MYOM2: variants seen among roughly 807,000 people sequenced by gnomAD.
The protein encoded by MYOM2 is myomesin 2.
MYOM2 carries 254 observed loss-of-function variants against 187.6 expected under a neutral mutation model. That is an observed-to-expected ratio of 1.35 (90% CI 1.22 to 1.50). MYOM2 has a LOEUF of 1.50. MYOM2 is among the 40% of genes most tolerant of loss of function. The pLI, the probability that MYOM2 is intolerant of heterozygous loss-of-function variation, is 0.00. For missense variants in MYOM2, 2,796 were observed against 1,924.0 expected (o/e 1.45, Z -8.48); for synonymous variants, 981 against 753.8 (o/e 1.30, Z -4.94).
intron 6 of MYOM2, among the ~76,000 whole-genome samples, chr8:2,064,768 CCTT>C (rs1818961950): frequency 6.6e-6 from 1 of 151,444 alleles, no homozygotes; most frequent in Admixed American, 6.6e-5. Flanking sequence ...TCTCCCTCCT[CCTT>C]CTCCTCCATC....
At chr8:2,108,264 T>A (rs1796957677) in intron 23 of MYOM2, among the ~76,000 whole-genome samples, 1 of 151,330 alleles carries the variant, frequency 6.6e-6, no homozygotes, top group Non-Finnish European at 1.5e-5. Flanking sequence ...TATTTATTTA[T>A]TTTTTTTGTT....
chr8:2,048,891 G>C (rs1039171703), intron 1 of MYOM2, among the ~76,000 whole-genome samples: 5 of 151,602 alleles, frequency 3.3e-5, no homozygotes, highest in Non-Finnish European at 7.4e-5. Context: ...CCAGGTTCAC[G>C]CCATTCTCCT....
intron 11 of MYOM2, among the ~76,000 whole-genome samples, chr8:2,077,047 C>T (rs996704724): frequency 6.6e-6 from 1 of 152,150 alleles, no homozygotes; most frequent in African/African-American, 2.4e-5. Context: ...CACGGTGGCT[C>T]ACGCCTGTAA....
intron 36 of MYOM2, 143 bp downstream of exon 36, chr8:2,143,599 A>G (rs1255319506): frequency 1.1e-6 from 1 of 946,118 alleles, no homozygotes. Flanking sequence ...AGTCCCCCCC[A>G]CTTTTCTGCC....
chr8:2,093,967 C>G lies in MYOM2; in HGVS notation c.2004-3C>G, dbSNP rs1274259957. Reference sequence around the variant, plus strand: ...TTCTGACCCTGATCCCTGTGTTTCTCAGGTTCGTGGTGCACGGCTTAACCA... The same window carrying G: ...TTCTGACCCTGATCCCTGTGTTTCTGAGGTTCGTGGTGCACGGCTTAACCA... On this transcript the variant is annotated splice_region_variant and splice_polypyrimidine_tract_variant and intron_variant, in intron 16 of 36. Transcript: ENST00000262113. 1.2e-6 allele frequency: 2 copies of G among 1,613,796 alleles called. No homozygotes were observed. Among genetic ancestry groups the G allele is most frequent in the Non-Finnish European group, 8.5e-7 (1 of 1,179,906 alleles).
At chr8:2,128,261 A>T (rs2116877315) in intron 31 of MYOM2, among the ~76,000 whole-genome samples, 1 of 152,366 alleles carries the variant, frequency 6.6e-6, no homozygotes, top group South Asian at 2.1e-4. Flanking sequence ...ACTATGTAAA[A>T]ACTAAAAGTA....
At chr8:2,056,283 G>A (rs772631052) in intron 3 of MYOM2, among the ~76,000 whole-genome samples, 2 of 152,184 alleles carry the variant, frequency 1.3e-5, no homozygotes, top group African/African-American at 2.4e-5. Context: ...TGAAAGGGAT[G>A]GCAGTGAGAT....
chr8:2,069,674 CG>C (rs2129333554), intron 8 of MYOM2, among the ~76,000 whole-genome samples, 177 bp downstream of exon 8: 1 of 152,128 alleles, frequency 6.6e-6, no homozygotes, highest in Non-Finnish European at 1.5e-5. Context: ...CTCCGCCTCC[CG>C]GGTTCACACC....
chr8:2,145,086 G>T lies in MYOM2; in HGVS notation c.*105G>T. 1 of 1,228,422 alleles carries T rather than the reference G, an allele frequency of 8.1e-7. No homozygotes were observed. Among genetic ancestry groups the T allele is most frequent in the African/African-American group, 1.5e-5 (1 of 64,958 alleles). The allele number at this position is 1,228,422 out of a possible 1,614,324, so 76.1% of individuals were successfully genotyped here. ...TGGCATCCGAGTGGTGTCCTGTGTG[G>T]GCTGATAGTTGATCACACATTGTGC... On this transcript the variant is annotated 3_prime_UTR_variant, in exon 37 of 37. Coordinates refer to ENST00000262113, the MANE Select transcript of MYOM2 (RefSeq NM_003970.4).
chr8:2,090,237 T>G (rs756813970), intron 15 of MYOM2, 46 bp downstream of exon 15: 3 of 1,561,194 alleles, frequency 1.9e-6, no homozygotes, highest in Admixed American at 3.5e-5. Context: ...GGACTAAGAG[T>G]GGGGTGACAC....
chr8:2,054,779 G>A (rs1032358860), intron 3 of MYOM2, among the ~76,000 whole-genome samples: 1 of 152,190 alleles, frequency 6.6e-6, no homozygotes. Context: ...GCAATTTGGT[G>A]GGATTCACTC....
chr8:2,093,948 C>A, intron 16 of MYOM2, 22 bp from the exon 17 acceptor site: 1 of 1,613,162 alleles, frequency 6.2e-7, no homozygotes, highest in Non-Finnish European at 8.5e-7. Flanking sequence ...GCAGTTCTGA[C>A]CCTGATCCCT....
intron 21 of MYOM2, among the ~76,000 whole-genome samples, chr8:2,105,556 C>T (rs1563059046): frequency 6.6e-6 from 1 of 152,170 alleles, no homozygotes; most frequent in African/African-American, 2.4e-5. Context: ...TGGGCTTCCC[C>T]TGAGGGTCAG....
chr8:2,072,619 C>T (rs1708219832), intron 9 of MYOM2, 110 bp downstream of exon 9: 3 of 1,315,754 alleles, frequency 2.3e-6, no homozygotes, highest in Non-Finnish European at 3.1e-6. Flanking sequence ...TGGGTCAGCT[C>T]CAGACAGCGA....
chr8:2,128,646 G>C (rs1397577267), intron 31 of MYOM2, among the ~76,000 whole-genome samples: 1 of 152,106 alleles, frequency 6.6e-6, no homozygotes, highest in Non-Finnish European at 1.5e-5. Context: ...GGTTTCTTCT[G>C]CTTTCCTTCC....
intron 25 of MYOM2, among the ~76,000 whole-genome samples, chr8:2,113,623 C>G (rs1236550905): frequency 6.6e-6 from 1 of 152,186 alleles, no homozygotes; most frequent in Non-Finnish European, 1.5e-5. Flanking sequence ...CAGCCGATGA[C>G]TGATCTGGAG....
At chr8:2,139,265 C>G (rs1246132416) in intron 32 of MYOM2, among the ~76,000 whole-genome samples, 3 of 152,198 alleles carry the variant, frequency 2.0e-5, no homozygotes, top group African/African-American at 4.8e-5. Flanking sequence ...CTTCAGCCTC[C>G]TGAGTAGCTG....
At chr8:2,085,064 A>G (rs1340023336) in intron 13 of MYOM2, 199 bp from the exon 14 acceptor site, 1 of 611,066 alleles carries the variant, frequency 1.6e-6, no homozygotes. Flanking sequence ...CTGTATTGGA[A>G]GCAAAACTAA....
chr8:2,078,493 G>A (rs868554892), intron 11 of MYOM2, among the ~76,000 whole-genome samples: 34 of 152,204 alleles, frequency 2.2e-4, no homozygotes, highest in Admixed American at 7.2e-4. Flanking sequence ...AAATTATTAA[G>A]ATTCATGGGC....
Sources: gnomAD v4.1 joint callset for allele counts (sites outside exome capture counted in the v4.1 genomes callset) on GRCh38, gnomAD v4.1.1 for gene constraint, MANE v1.5 for transcripts, NCBI Gene and HGNC (gene_info 2026-07-23, HGNC 2026-07-21) for gene names.